Variants in CREB3L2 observed in about 807,000 individuals in gnomAD.
CREB3L2 encodes the protein cAMP responsive element binding protein 3 like 2, also known as cyclic AMP-responsive element-binding protein 3-like protein 2.
A neutral mutation model predicts 57.2 loss-of-function variants in CREB3L2; 23 were observed. The observed-to-expected ratio is 0.40, with a 90% confidence interval of 0.29 to 0.57. CREB3L2 has a LOEUF of 0.57. Ranked by LOEUF, CREB3L2 falls within the 20% of genes least tolerant of loss-of-function variation. The pLI, the probability that CREB3L2 is intolerant of heterozygous loss-of-function variation, is 0.42. For missense variants in CREB3L2, 628 were observed against 634.7 expected, an observed-to-expected ratio of 0.99 and a Z score of 0.11; for synonymous variants, 268 against 265.1, an observed-to-expected ratio of 1.01 and a Z score of -0.11.
At chr7:137,995,782 G>A (rs1441422776) in intron 1 of CREB3L2, among the ~76,000 whole-genome samples, 1 of 152,160 alleles carries the variant, frequency 6.6e-6, no homozygotes, top group Admixed American at 6.5e-5. Context: ...TCCTGCAAAA[G>A]CAATGTCACA....
intron 4 of CREB3L2, among the ~76,000 whole-genome samples, chr7:137,909,690 T>A (rs1024055805): frequency 1.3e-5 from 2 of 152,108 alleles, no homozygotes; most frequent in Non-Finnish European, 2.9e-5. Context: ...CCCAGCATAC[T>A]ATGGATGGGA....
chr7:137,973,849 A>G (rs1801559153), intron 1 of CREB3L2, among the ~76,000 whole-genome samples: 1 of 152,148 alleles, frequency 6.6e-6, no homozygotes, highest in Non-Finnish European at 1.5e-5. Context: ...TTTTCACAAG[A>G]TTTCCAACAA....
chr7:137,983,569 C>A (rs1801744805), intron 1 of CREB3L2, among the ~76,000 whole-genome samples: 1 of 152,260 alleles, frequency 6.6e-6, no homozygotes, highest in Non-Finnish European at 1.5e-5. Flanking sequence ...CCAGGCAAAG[C>A]TGCTGACTCT....
intron 4 of CREB3L2, among the ~76,000 whole-genome samples, chr7:137,911,771 G>C (rs1800010721): frequency 6.6e-6 from 1 of 152,214 alleles, no homozygotes; most frequent in African/African-American, 2.4e-5. Context: ...CCATGAGGTT[G>C]AGGTTGCCAT....
Position 138,002,046 on chromosome 7 carries a change from C to G in CREB3L2, c.-341G>C, listed in dbSNP as rs1025124566. ...CGCAAGCCCACTTGCCGCTACGGCT[C>G]CAGACACAAACTTTGAGGGACCCCA... is the stretch of plus-strand genomic sequence containing the variant. On this transcript the variant is annotated 5_prime_UTR_variant, in exon 1 of 12. Transcript: ENST00000330387. 1.6e-5 allele frequency: 5 copies of G among 312,398 alleles called. No homozygotes were observed. The highest frequency in any genetic ancestry group is 1.1e-4 in the African/African-American group (5 of 47,458). The allele number at this position is 312,398 out of a possible 1,614,324, so 19.4% of individuals were successfully genotyped here.
intron 1 of CREB3L2, among the ~76,000 whole-genome samples, chr7:137,995,149 C>T (rs1801966565): frequency 6.6e-6 from 1 of 151,996 alleles, no homozygotes; most frequent in African/African-American, 2.4e-5. Flanking sequence ...AAAAGGGACA[C>T]AAGAAAGAGA....
At position 137,878,935 on chromosome 7, in the gene CREB3L2, G is replaced by A; in HGVS notation, c.*1541C>T. The A allele has an allele frequency of 2.5e-6, 1 of 406,132 alleles. No homozygotes were observed. The highest frequency in any genetic ancestry group is 2.4e-5 in the South Asian group (1 of 41,548). The allele number at this position is 406,132 out of a possible 1,614,324, so 25.2% of individuals were successfully genotyped here. A position where few individuals can be genotyped will look rare whatever the true frequency, so the allele number is the denominator to read the frequency against. ...TGGGGGTGGGTGGTGGGGGGAGAGAGAGAAGGAGAGACAGAGAGAGAGAGG... is the reference window on the plus strand; with the variant it reads ...TGGGGGTGGGTGGTGGGGGGAGAGAAAGAAGGAGAGACAGAGAGAGAGAGG... On this transcript the variant is annotated 3_prime_UTR_variant, in exon 12 of 12. Transcript: ENST00000330387.
chr7:137,917,758 T>C (rs1209319008), intron 2 of CREB3L2, among the ~76,000 whole-genome samples: 1 of 152,230 alleles, frequency 6.6e-6, no homozygotes, highest in Non-Finnish European at 1.5e-5. Flanking sequence ...ATCCAGTTTA[T>C]AATTGATGAA....
intron 1 of CREB3L2, among the ~76,000 whole-genome samples, chr7:137,931,876 A>T (rs1307848580): frequency 1.3e-5 from 2 of 152,208 alleles, no homozygotes; most frequent in Non-Finnish European, 2.9e-5. Flanking sequence ...TACAAAATTT[A>T]AAAATCTTAT....
In CREB3L2 at chr7:137,885,437, T is replaced by C. The variant is rs774528274; in HGVS notation, c.1109A>G (p.Lys370Arg). Residue 370 changes from lysine (K) to arginine (R), a missense_variant, in exon 9 of 12, where the codon AAG becomes AGG. By Grantham distance (26) the Lys-to-Arg change is conservative. Coordinates refer to ENST00000330387, the MANE Select transcript of CREB3L2 (RefSeq NM_194071.4). ...LVMGKVSRTC[K>R]LAGTQTGTCL... Reference sequence around the variant, plus strand: ...GGTGCCAGTCTGCGTGCCAGCTAACTTGCAGGTTCGAGAAACCTTGCCCAT... The same window carrying C: ...GGTGCCAGTCTGCGTGCCAGCTAACCTGCAGGTTCGAGAAACCTTGCCCAT... The C allele has an allele frequency of 1.2e-6, 2 of 1,614,154 alleles. No homozygotes were observed. Among genetic ancestry groups the C allele is most frequent in the Admixed American group, 3.3e-5 (2 of 60,016 alleles).
chr7:137,987,668 A>G (rs993089236), intron 1 of CREB3L2, among the ~76,000 whole-genome samples: 8 of 152,204 alleles, frequency 5.3e-5, no homozygotes, highest in African/African-American at 1.9e-4. Context: ...TGCTGTGAAC[A>G]TAAAACTGCT....
intron 1 of CREB3L2, among the ~76,000 whole-genome samples, chr7:137,941,066 A>G (rs1800873363): frequency 6.6e-6 from 1 of 152,208 alleles, no homozygotes. Context: ...CTGGAATGAC[A>G]TGTGTTGAGA....
intron 2 of CREB3L2, among the ~76,000 whole-genome samples, chr7:137,920,688 A>T (rs1257010285): frequency 5.3e-5 from 8 of 152,240 alleles, no homozygotes; most frequent in Non-Finnish European, 2.9e-5. Flanking sequence ...TATGGATCAT[A>T]TCAATAAATG....
intron 7 of CREB3L2, 118 bp from the exon 8 acceptor site, chr7:137,901,540 T>C (rs1194408368): frequency 1.7e-6 from 1 of 589,570 alleles, no homozygotes; most frequent in Non-Finnish European, 3.0e-6. Flanking sequence ...TGCCACCCCA[T>C]GGAAGTGTGG....
rs752320668 is a variant in CREB3L2, at chr7:138,001,629, T to C, written c.77A>G (p.Asp26Gly). ...RKLSELSEPG[D>G]GEALMYHTHF... Reference sequence around the variant, plus strand: ...CGTGTGGTACATGAGGGCCTCGCCGTCCCCGGGCTCTGACAGCTCGCTCAG... The same window carrying C: ...CGTGTGGTACATGAGGGCCTCGCCGCCCCCGGGCTCTGACAGCTCGCTCAG... Residue 26 changes from aspartate (D) to glycine (G), a missense_variant, in exon 1 of 12, where the codon GAC becomes GGC. This residue lies in a region of CREB3L2 where 339 missense variants were observed against 355.4 expected (regional missense o/e 0.95). Transcript: ENST00000330387. This position sits in a 1 kb window ranked among gnomAD's most constrained non-coding sequence, Gnocchi z 4.2. 6.2e-7 allele frequency: 1 copy of C among 1,612,994 alleles called. No individual in the cohort carries two copies. The highest frequency in any genetic ancestry group is 2.2e-5 in the East Asian group (1 of 44,818).
rs144785716 is a variant in CREB3L2, at chr7:137,884,069, G to A, written c.1270+926C>T. 4.1e-3 allele frequency among the ~76,000 whole-genome samples: 624 copies of A among 152,260 alleles called. 4 individuals carry two copies. The highest frequency in any genetic ancestry group is 0.015 in the African/African-American group (604 of 41,538). On this transcript the variant is annotated intron_variant, in intron 10 of 11. Coordinates refer to ENST00000330387, the MANE Select transcript of CREB3L2 (RefSeq NM_194071.4). ...CGCCCAGGCTGGGGTGCAGTGGCAC[G>A]ATCTCGGCTCACTGCAACCTCCGCC...
intron 8 of CREB3L2, among the ~76,000 whole-genome samples, chr7:137,888,819 C>T (rs139628765): frequency 3.3e-5 from 5 of 152,160 alleles, no homozygotes; most frequent in Non-Finnish European, 7.4e-5. Flanking sequence ...TTCCACTGGG[C>T]GCTCCTGCTG....
In CREB3L2 at chr7:137,995,771, C is replaced by T. The variant is rs76200154; in HGVS notation, c.102+5833G>A. Reference sequence around the variant, plus strand: ...TTAATCTAGATGCTATATCTTATAACTCCTGCAAAAGCAATGTCACATCAG... The same window carrying T: ...TTAATCTAGATGCTATATCTTATAATTCCTGCAAAAGCAATGTCACATCAG... On this transcript the variant is annotated intron_variant, in intron 1 of 11. Coordinates refer to ENST00000330387, the MANE Select transcript of CREB3L2 (RefSeq NM_194071.4). Among the ~76,000 whole-genome samples, 344 of 152,280 alleles carry T rather than the reference C, an allele frequency of 2.3e-3. 3 individuals are homozygous for T. Among genetic ancestry groups the T allele is most frequent in the African/African-American group, 8.0e-3 (331 of 41,546 alleles).
rs910050415 is a variant in CREB3L2 at position 137,882,343 on chromosome 7, C to T, written c.1487+69G>A. 25 of 1,182,158 alleles carry T rather than the reference C, an allele frequency of 2.1e-5. No homozygotes were observed. In the Admixed American group the frequency reaches 4.6e-4, roughly 22 times the overall value. 73.2% of individuals were successfully genotyped at this position (1,182,158 alleles called of 1,614,324 possible). ...CCTATGGAGAGTCTCAACCTCACAT[C>T]TCAGGTTGCTGACTCATAACCCACC... On this transcript the variant is annotated intron_variant, in intron 11 of 11. Transcript: ENST00000330387.
Sources: gnomAD v4.1 joint callset for allele counts (sites outside exome capture counted in the v4.1 genomes callset) on GRCh38, gnomAD v4.1.1 for gene constraint, gnomAD v4.1.1 regional missense constraint, Gnocchi (gnomAD v3.1) non-coding constraint, MANE v1.5 for transcripts, NCBI Gene and HGNC (gene_info 2026-07-23, HGNC 2026-07-21) for gene names.